Variants in UPRT observed in about 807,000 individuals in gnomAD.
The protein encoded by UPRT is uracil phosphoribosyltransferase homolog, also known as RP11-311P8.3.
A neutral mutation model predicts 22.6 loss-of-function variants in UPRT; 5 were observed. That is an observed-to-expected ratio of 0.22 (90% confidence interval 0.12 to 0.47). UPRT has a LOEUF of 0.47. Among genes scored for constraint, UPRT ranks in the 20% least tolerant of loss-of-function variants. The pLI, the probability that UPRT is intolerant of heterozygous loss-of-function variation, is 0.99. For synonymous variants in UPRT, 77 were observed against 87.7 expected (o/e 0.88, Z 0.68); for missense variants, 181 against 239.9 (o/e 0.75, Z 1.62).
intron 4 of UPRT, among the ~76,000 whole-genome samples, chrX:75,199,372 C>CCCATT (rs1325859484): frequency 9.0e-6 from 1 of 111,173 alleles, no homozygotes; most frequent in Non-Finnish European, 1.9e-5. Flanking sequence ...TCATGAGGCC[C>CCCATT]CCATTCGAAG....
intron 4 of UPRT, among the ~76,000 whole-genome samples, chrX:75,190,984 G>A (rs1298973051): frequency 8.9e-6 from 1 of 111,909 alleles, no homozygotes; most frequent in African/African-American, 3.3e-5. Flanking sequence ...ACTTGTGAAA[G>A]TCATTCTCCA....
At chrX:75,295,551 G>C (rs1174945191) in intron 2 of UPRT, among the ~76,000 whole-genome samples, 2 of 112,086 alleles carry the variant, frequency 1.8e-5, no homozygotes, top group Non-Finnish European at 3.8e-5. Context: ...TGGCAGCAGG[G>C]TGTTATTATA....
At chrX:75,189,522 A>G (rs999232440) in intron 4 of UPRT, among the ~76,000 whole-genome samples, 1 of 111,684 alleles carries the variant, frequency 9.0e-6, no homozygotes, top group Non-Finnish European at 1.9e-5. Context: ...GCTGAGTTCA[A>G]TTCCTGGAGA....
intron 4 of UPRT, among the ~76,000 whole-genome samples, chrX:75,184,643 C>G (rs1376348989): frequency 9.3e-6 from 1 of 107,535 alleles, no homozygotes; most frequent in African/African-American, 3.4e-5. Context: ...GATATTGATT[C>G]TTCCTACCCA....
chrX:75,190,080 C>G (rs2082309690), intron 4 of UPRT, among the ~76,000 whole-genome samples: 1 of 112,093 alleles, frequency 8.9e-6, no homozygotes, highest in South Asian at 3.7e-4. Flanking sequence ...CATCGATGGT[C>G]TTTACATGTT....
intron 1 of UPRT, among the ~76,000 whole-genome samples, chrX:75,160,108 G>A (rs1374840786): frequency 1.8e-5 from 2 of 111,262 alleles, no homozygotes; most frequent in African/African-American, 3.3e-5. Context: ...TGAAGATCCC[G>A]GCATTGCCCT....
At chrX:75,232,638 A>G (rs1602463988) in intron 4 of UPRT, among the ~76,000 whole-genome samples, 1 of 112,177 alleles carries the variant, frequency 8.9e-6, no homozygotes, top group East Asian at 2.8e-4. Flanking sequence ...CCTGATCCCC[A>G]AGCAGCCTAA....
chrX:75,301,149 T>A (rs2082743049), intron 6 of UPRT, 184 bp downstream of exon 6: 1 of 334,897 alleles, frequency 3.0e-6, no homozygotes, highest in East Asian at 4.8e-5. Context: ...TATACCATTC[T>A]AATGTTCAAA....
chrX:75,233,396 G>A (rs373601215), intron 4 of UPRT, among the ~76,000 whole-genome samples: 4 of 111,236 alleles, frequency 3.6e-5, no homozygotes, highest in African/African-American at 9.8e-5. Context: ...CCCCAATCTC[G>A]CAAGGCAGGC....
intron 4 of UPRT, among the ~76,000 whole-genome samples, chrX:75,254,886 C>T (rs1458757508): frequency 9.3e-6 from 1 of 108,067 alleles, no homozygotes; most frequent in Non-Finnish European, 1.9e-5. Flanking sequence ...CGCCATTCTC[C>T]TGCCTCAGCC....
intron 4 of UPRT, among the ~76,000 whole-genome samples, chrX:75,199,317 G>A (rs1373586588): frequency 2.7e-5 from 3 of 111,592 alleles, no homozygotes; most frequent in Admixed American, 1.9e-4. Context: ...AGATGACTTT[G>A]TCTTGCATCT....
At chrX:75,234,347 A>T (rs2082451512) in intron 4 of UPRT, among the ~76,000 whole-genome samples, 1 of 111,215 alleles carries the variant, frequency 9.0e-6, no homozygotes, top group Non-Finnish European at 1.9e-5. Flanking sequence ...GGAGACTTTA[A>T]CACCCCACTG....
intron 4 of UPRT, among the ~76,000 whole-genome samples, chrX:75,186,391 T>C (rs1335865510): frequency 1.8e-5 from 2 of 111,740 alleles, no homozygotes; most frequent in African/African-American, 3.3e-5. Context: ...GAGAGATAGT[T>C]TGTTATAATT....
At chrX:75,156,814 T>C (rs1213040909) in intron 1 of UPRT, 4 of 311,173 alleles carry the variant, frequency 1.3e-5, no homozygotes, top group African/African-American at 1.1e-4. Flanking sequence ...TTTTCTGTCC[T>C]GTAAGGACTT....
intron 4 of UPRT, among the ~76,000 whole-genome samples, chrX:75,195,715 C>T (rs1472384193): frequency 1.8e-5 from 2 of 111,633 alleles, no homozygotes; most frequent in African/African-American, 3.3e-5. Context: ...GCAGTAACCC[C>T]GTTCAGGGTT....
intron 4 of UPRT, among the ~76,000 whole-genome samples, chrX:75,183,947 C>A (rs866174389): frequency 1.5e-4 from 17 of 111,845 alleles, no homozygotes; most frequent in Non-Finnish European, 5.6e-5. Context: ...GAGTAGGTTG[C>A]GAAAACTTTC....
intron 4 of UPRT, among the ~76,000 whole-genome samples, chrX:75,232,369 G>A (rs2082441585): frequency 8.9e-6 from 1 of 112,526 alleles, no homozygotes; most frequent in African/African-American, 3.2e-5. Flanking sequence ...GGGGAGGGGC[G>A]CCTGCCATTG....
At position 75,256,195 on chromosome X, in the gene UPRT, A is replaced by G. The variant is rs754402241; in HGVS notation, c.-446-34829A>G. ...AGACCACAGTGGAATAAAACTGGAT[A>G]TCAACTCCAAAAGTAACCTTCAAAA... On this transcript the variant is annotated intron_variant, in intron 4 of 13. Coordinates refer to the UPRT transcript ENST00000652605. Among the ~76,000 whole-genome samples, 3 of 112,297 alleles carry G rather than the reference A, an allele frequency of 2.7e-5. No individual in the cohort carries two copies. In the East Asian group the frequency reaches 8.4e-4, roughly 31 times the overall value.
chrX:75,190,705 C>G (rs1210489687), intron 4 of UPRT, among the ~76,000 whole-genome samples: 1 of 111,630 alleles, frequency 9.0e-6, no homozygotes, highest in Non-Finnish European at 1.9e-5. Context: ...CTAAACTTCT[C>G]TTCTCGCTTC....
Sources: gnomAD v4.1 joint callset for allele counts (sites outside exome capture counted in the v4.1 genomes callset) on GRCh38, gnomAD v4.1.1 for gene constraint, MANE v1.5 for transcripts, NCBI Gene and HGNC (gene_info 2026-07-23, HGNC 2026-07-21) for gene names.